Variants in TACC2 observed in about 807,000 individuals in gnomAD.
TACC2 encodes transforming acidic coiled-coil containing protein 2.
A neutral mutation model predicts 227.3 loss-of-function variants in TACC2; 137 were observed. The ratio of observed to expected loss-of-function variants is 0.60; its 90% CI spans 0.52 to 0.69. TACC2 has a LOEUF of 0.69. Ranked by LOEUF, TACC2 falls within the 30% of genes least tolerant of loss-of-function variation. The probability of loss-of-function intolerance (pLI) is 0.00; values close to 1 mark genes in which losing one functional copy is unlikely to be tolerated. For synonymous variants in TACC2, 1,523 were observed against 1,487.5 expected (o/e 1.02, Z -0.55); for missense variants, 3,470 against 3,694.4 (o/e 0.94, Z 1.57).
At chr10:121,997,169 T>C (rs1953623494) in intron 1 of TACC2, among the ~76,000 whole-genome samples, 1 of 152,142 alleles carries the variant, frequency 6.6e-6, no homozygotes, top group Non-Finnish European at 1.5e-5. Context: ...ATGCTTTCAA[T>C]TGGGGCACAT....
chr10:122,050,634 G>T lies in TACC2; in HGVS notation c.146+84G>T. ...CTCCAGCATTAGCTTTGCCCCATTT[G>T]CTTTGGAAACTGGACCCTTAGACAC... On this transcript the variant is annotated intron_variant, in intron 3 of 22. Transcript: ENST00000369005. This position sits in a 1 kb window ranked among gnomAD's most constrained non-coding sequence, Gnocchi z 4.6. 1 of 1,154,594 alleles carries T rather than the reference G, an allele frequency of 8.7e-7. No homozygotes were observed. Among genetic ancestry groups the T allele is most frequent in the Non-Finnish European group, 1.3e-6 (1 of 787,518 alleles). The allele number at this position is 1,154,594 out of a possible 1,614,324, so 71.5% of individuals were successfully genotyped here.
chr10:122,140,596 C>A (rs35098867), intron 6 of TACC2, among the ~76,000 whole-genome samples: 1 of 152,270 alleles, frequency 6.6e-6, no homozygotes, highest in East Asian at 1.9e-4. Flanking sequence ...TATCAGTGCC[C>A]TGCTCTCTCT....
At chr10:122,133,316 C>T (rs1406012765) in intron 6 of TACC2, among the ~76,000 whole-genome samples, 1 of 152,096 alleles carries the variant, frequency 6.6e-6, no homozygotes, top group Non-Finnish European at 1.5e-5. Context: ...TCACGGTTCT[C>T]CGTCTACACT....
rs548173562 is a variant in TACC2 at position 122,034,323 on chromosome 10, C to T, written c.33+12309C>T. On this transcript the variant is annotated intron_variant, in intron 2 of 22. Transcript: ENST00000369005. ...GAAGCCTTTTCATACATGAGTTCAT[C>T]TGCTTCTCTTCATTATTCCATGAGC... Among the ~76,000 whole-genome samples, 8 of 152,266 alleles carry T rather than the reference C, an allele frequency of 5.3e-5. No individual in the cohort carries two copies. The South Asian group carries it at 1.7e-3, about 32-fold the overall frequency.
intron 19 of TACC2, among the ~76,000 whole-genome samples, chr10:122,243,018 A>G (rs1355915067): frequency 2.0e-5 from 3 of 152,126 alleles, no homozygotes; most frequent in Non-Finnish European, 4.4e-5. Flanking sequence ...ATCTTGGCTC[A>G]CTGCAACCTC....
intron 5 of TACC2, among the ~76,000 whole-genome samples, chr10:122,096,051 C>T (rs1308959310): frequency 6.6e-6 from 1 of 152,192 alleles, no homozygotes; most frequent in Non-Finnish European, 1.5e-5. Flanking sequence ...GGACATTTCT[C>T]AAGCACCTGC....
rs2079903002 is a variant in TACC2 at position 122,084,695 on chromosome 10, C to T, written c.2195C>T (p.Ala732Val). Reference sequence around the variant, plus strand: ...CCACCAACTCCTGTTGCAGAGGTTGCACCCAAAGCCCAGGAAGGTGAGAGC... The same window carrying T: ...CCACCAACTCCTGTTGCAGAGGTTGTACCCAAAGCCCAGGAAGGTGAGAGC... Reference protein sequence around the residue: ...DFPPTPVAEVAPKAQEGESTL... With the variant: ...DFPPTPVAEVVPKAQEGESTL... The change falls in exon 4 of 23, where the codon GCA becomes GTA. Residue 732 changes from alanine (A) to valine (V), a missense_variant. Transcript: ENST00000369005. 3.1e-6 allele frequency: 5 copies of T among 1,613,676 alleles called. No individual in the cohort carries two copies. Among genetic ancestry groups the T allele is most frequent in the Non-Finnish European group, 4.2e-6 (5 of 1,180,040 alleles).
chr10:122,136,545 G>GTATATA lies in TACC2; in HGVS notation c.5699+3831_5699+3836dup, dbSNP rs34534253. On this transcript the variant is annotated intron_variant, in intron 6 of 22. Transcript: ENST00000369005. The stretch of plus-strand genomic sequence containing the variant: ...TGTGTATGTATGTTTGTGTGTGTGT[G>GTATATA]TATATATATATATATATATATATAT... Among the ~76,000 whole-genome samples, 450 of 54,968 alleles carry GTATATA rather than the reference G, an allele frequency of 8.2e-3. 2 individuals carry two copies. Among genetic ancestry groups the GTATATA allele is most frequent in the African/African-American group, 0.02 (418 of 20,554 alleles). The allele number at this position is 54,968 out of a possible 152,430, so 36.1% of individuals were successfully genotyped here.
intron 8 of TACC2, among the ~76,000 whole-genome samples, chr10:122,208,521 A>G (rs1025028598): frequency 2.0e-5 from 3 of 152,222 alleles, no homozygotes; most frequent in African/African-American, 7.2e-5. Flanking sequence ...TTAATTGTGC[A>G]TTTCCCAAAC....
chr10:122,009,376 T>C (rs933621286), intron 1 of TACC2, among the ~76,000 whole-genome samples: 23 of 152,104 alleles, frequency 1.5e-4, no homozygotes, highest in African/African-American at 4.8e-4. Context: ...TGGTGGTGCA[T>C]GCCTGTAATC....
At position 122,226,363 on chromosome 10, in the gene TACC2, C is replaced by T. The variant is rs749498792; in HGVS notation, c.7609-3C>T. ...AGCTGATATGTGATTTTGATCCCTG[C>T]AGCAGGACGACGATGCCCCGAAGAA... On this transcript the variant is annotated splice_polypyrimidine_tract_variant and splice_region_variant and intron_variant, in intron 12 of 22. Transcript: ENST00000369005. 2 of 1,610,724 alleles carry T rather than the reference C, an allele frequency of 1.2e-6. No homozygotes were observed. Among genetic ancestry groups the T allele is most frequent in the African/African-American group, 1.3e-5 (1 of 74,920 alleles).
chr10:122,001,811 C>A (rs926451447), intron 1 of TACC2, among the ~76,000 whole-genome samples: 3 of 152,148 alleles, frequency 2.0e-5, no homozygotes, highest in Non-Finnish European at 2.9e-5. Flanking sequence ...ACCATATATA[C>A]CCTCCAGAAA....
chr10:122,084,033 A>T lies in TACC2; in HGVS notation c.1533A>T (p.Pro511=), dbSNP rs1410675699. ...CGGAGCAAAGCCATGAGGTCCAACC[A>T]GGAGTACCACCCCCTCCTCTTCCCA... ...LNTEQSHEVQ[P]GVPPPPLPKE... The change falls in exon 4 of 23, where the codon CCA becomes CCT. Residue 511 remains proline, a synonymous_variant. Coordinates refer to ENST00000369005, the MANE Select transcript of TACC2 (RefSeq NM_206862.4). 4 of 1,613,896 alleles carry T rather than the reference A, an allele frequency of 2.5e-6. No homozygotes were observed. Among genetic ancestry groups the T allele is most frequent in the Admixed American group, 1.7e-5 (1 of 59,994 alleles).
chr10:122,161,968 G>C (rs763737474), intron 7 of TACC2, among the ~76,000 whole-genome samples: 1 of 152,212 alleles, frequency 6.6e-6, no homozygotes, highest in Non-Finnish European at 1.5e-5. Context: ...AGGATGAACA[G>C]GTTGCAGGAT....
intron 1 of TACC2, among the ~76,000 whole-genome samples, chr10:122,011,183 G>A (rs1955875770): frequency 6.6e-6 from 1 of 151,354 alleles, no homozygotes; most frequent in South Asian, 2.1e-4. Context: ...AGGTAGACAG[G>A]GATGCAGGGT....
chr10:122,088,393 A>G (rs2080325237), intron 4 of TACC2, 85 bp from the exon 5 acceptor site: 4 of 1,278,218 alleles, frequency 3.1e-6, no homozygotes, highest in African/African-American at 1.5e-5. Flanking sequence ...ACTTTAATTG[A>G]GAAATCTGCT....
At chr10:122,079,717 CA>C (rs757217955) in intron 3 of TACC2, among the ~76,000 whole-genome samples, 7 of 152,192 alleles carry the variant, frequency 4.6e-5, no homozygotes, top group Non-Finnish European at 1.0e-4. Context: ...TTCTGCATAG[CA>C]GAGTGAATAA....
At chr10:122,124,423 G>T (rs553702661) in intron 5 of TACC2, among the ~76,000 whole-genome samples, 4 of 152,130 alleles carry the variant, frequency 2.6e-5, no homozygotes, top group Non-Finnish European at 5.9e-5. Context: ...CTCCACTGTG[G>T]CACAGGCATT....
rs1279394648 is a variant in TACC2 at position 122,105,953 on chromosome 10, T to TGC, written c.5573+17363_5573+17364insCG. On this transcript the variant is annotated intron_variant, in intron 5 of 22. Transcript: ENST00000369005. ...TAAACATTTTCTCTCTCTGTGTGTG[T>TGC]GTGTGTGTGTGTGTGTGTATGTATA... 8.4e-3 allele frequency among the ~76,000 whole-genome samples: 1,227 copies of TGC among 145,474 alleles called. 17 individuals are homozygous for TGC. The highest frequency in any genetic ancestry group is 0.03 in the African/African-American group (1,175 of 39,554).
Sources: gnomAD v4.1 joint callset for allele counts (sites outside exome capture counted in the v4.1 genomes callset) on GRCh38, gnomAD v4.1.1 for gene constraint, Gnocchi (gnomAD v3.1) non-coding constraint, MANE v1.5 for transcripts, NCBI Gene and HGNC (gene_info 2026-07-23, HGNC 2026-07-21) for gene names.